The following UBN2 variants were observed in gnomAD, a reference collection of about 807,000 sequenced individuals.
UBN2 encodes ubinuclein 2.
A neutral mutation model predicts 120.2 loss-of-function variants in UBN2; 35 were observed. That is an observed-to-expected ratio of 0.29 (90% CI 0.22 to 0.39). The LOEUF (loss-of-function observed/expected upper bound fraction) is 0.39. Ranked by LOEUF, UBN2 falls within the 10% of genes least tolerant of loss-of-function variation. The probability of loss-of-function intolerance (pLI) is 1.00; values close to 1 mark genes in which losing one functional copy is unlikely to be tolerated. For missense variants in UBN2, 1,693 were observed against 1,663.2 expected, an observed-to-expected ratio of 1.02 and a Z score of -0.31; for synonymous variants, 661 against 648.7, an observed-to-expected ratio of 1.02 and a Z score of -0.29.
downstream of UBN2, among the ~76,000 whole-genome samples, chr7:139,311,698 A>G (rs1051898491): frequency 5.9e-5 from 9 of 152,172 alleles, no homozygotes; most frequent in Admixed American, 2.6e-4. Flanking sequence ...TAATTTCCCA[A>G]AAGTATAGAA....
At chr7:139,267,360 T>G (rs1305834145) in intron 7 of UBN2, among the ~76,000 whole-genome samples, 1 of 152,024 alleles carries the variant, frequency 6.6e-6, no homozygotes, top group African/African-American at 2.4e-5. Context: ...ATAGTGAAAC[T>G]CCATTTCTAT....
At chr7:139,232,354 C>T (rs1293687439) in intron 1 of UBN2, among the ~76,000 whole-genome samples, 1 of 152,232 alleles carries the variant, frequency 6.6e-6, no homozygotes, top group Admixed American at 6.5e-5. Context: ...AAGAGAAAAC[C>T]TTGGGGGACA....
intron 13 of UBN2, 123 bp from the exon 14 acceptor site, chr7:139,281,882 A>G: frequency 1.2e-6 from 1 of 814,140 alleles, no homozygotes; most frequent in South Asian, 1.7e-5. Context: ...ATGCAGTTAC[A>G]CTTGTACTTC....
chr7:139,266,060 CT>C (rs374455779), intron 6 of UBN2, among the ~76,000 whole-genome samples: 147 of 141,100 alleles, frequency 1.0e-3, no homozygotes, highest in Middle Eastern at 3.8e-3. Context: ...TTAGGAGATT[CT>C]TTTTTTTTTT....
rs1798185787 is a variant in UBN2 at position 139,298,908 on chromosome 7, T to TA, written c.*1073dup. 6.6e-6 allele frequency: 1 copy of TA among 152,150 alleles called. No homozygotes were observed. The highest frequency in any genetic ancestry group is 1.5e-5 in the Non-Finnish European group (1 of 68,012). 9.4% of individuals were successfully genotyped at this position (152,150 alleles called of 1,614,324 possible). A position where few individuals can be genotyped will look rare whatever the true frequency, so the allele number is the denominator to read the frequency against. Reference sequence around the variant, plus strand: ...TCATTGGTCATTCAAATGGCATGAATATAGTTTTTGAATTTTTAAGATGGT... The same window carrying TA: ...TCATTGGTCATTCAAATGGCATGAATAATAGTTTTTGAATTTTTAAGATGGT... On this transcript the variant is annotated 3_prime_UTR_variant, in exon 18 of 18. Coordinates refer to ENST00000473989, the MANE Select transcript of UBN2 (RefSeq NM_173569.4).
At chr7:139,326,025 T>C in the UBN2 span, among the ~76,000 whole-genome samples, 4 of 149,436 alleles carry the variant, frequency 2.7e-5, no homozygotes, top group Non-Finnish European at 2.9e-5. Context: ...ACCCCATCTC[T>C]ACTAAAAGTA....
chr7:139,269,843 G>A (rs897043033), intron 8 of UBN2, among the ~76,000 whole-genome samples: 9 of 150,962 alleles, frequency 6.0e-5, no homozygotes, highest in African/African-American at 1.7e-4. Context: ...GTCTTGCCCC[G>A]TTGCCCAGGC....
intron 3 of UBN2, among the ~76,000 whole-genome samples, chr7:139,254,328 T>TAA (rs1428746969): frequency 6.6e-6 from 1 of 152,116 alleles, no homozygotes; most frequent in African/African-American, 2.4e-5. Context: ...TGTCCCGACA[T>TAA]AAACTTATTT....
chr7:139,240,333 C>T (rs1352451448), intron 2 of UBN2, among the ~76,000 whole-genome samples: 1 of 150,160 alleles, frequency 6.7e-6, no homozygotes, highest in African/African-American at 2.4e-5. Context: ...TGTTGTGTTG[C>T]CTAGGCTGGT....
the UBN2 span, among the ~76,000 whole-genome samples, chr7:139,327,194 C>G: frequency 6.6e-6 from 1 of 152,160 alleles, no homozygotes; most frequent in East Asian, 1.9e-4. Flanking sequence ...CCACCACACC[C>G]AGCTAATTTT....
intron 2 of UBN2, among the ~76,000 whole-genome samples, chr7:139,246,613 G>A (rs772305749): frequency 5.3e-5 from 8 of 152,128 alleles, no homozygotes; most frequent in Non-Finnish European, 1.2e-4. Context: ...CAGTTTGATG[G>A]ATTTTAACAG....
chr7:139,302,698 A>C lies in UBN2; in HGVS notation c.*4862A>C, dbSNP rs989635676. The stretch of plus-strand genomic sequence containing the variant: ...AGACTCCGTCTCAAAAAAAGAAAAT[A>C]AAAGTATAGAAAAGTATCTTTTCAC... On this transcript the variant is annotated 3_prime_UTR_variant, in exon 18 of 18. Coordinates refer to ENST00000473989, the MANE Select transcript of UBN2 (RefSeq NM_173569.4). 1 of 152,162 alleles carries C rather than the reference A, an allele frequency of 6.6e-6. No homozygotes were observed. The highest frequency in any genetic ancestry group is 1.5e-5 in the Non-Finnish European group (1 of 68,042). The allele number at this position is 152,162 out of a possible 1,614,324, so 9.4% of individuals were successfully genotyped here.
In UBN2 at chr7:139,284,105, C is replaced by T; in HGVS notation, c.3200C>T (p.Ala1067Val). 6.2e-7 allele frequency: 1 copy of T among 1,614,176 alleles called. No individual in the cohort carries two copies. Residue 1067 changes from alanine to valine, a missense_variant, in exon 15 of 18, where the codon GCT becomes GTT. Physicochemically the swap from Ala to Val is moderately conservative, Grantham distance 64. Around this residue, in one of 5 missense-constraint regions of UBN2, gnomAD observed 837 missense variants for 817.6 expected, o/e 1.02. Coordinates refer to ENST00000473989, the MANE Select transcript of UBN2 (RefSeq NM_173569.4). ...GCCTCACCCAAGCCCTCTCTGTCAG[C>T]TAAGCCTTCAGTATCAACTAAACTT... ...PSASPKPSLS[A>V]KPSVSTKLIS...
At chr7:139,232,656 T>C (rs1237440046) in intron 1 of UBN2, among the ~76,000 whole-genome samples, 1 of 152,216 alleles carries the variant, frequency 6.6e-6, no homozygotes, top group Non-Finnish European at 1.5e-5. Context: ...TGTAATTGAA[T>C]GGGAAGGTGT....
In UBN2 at chr7:139,308,130, A is replaced by T. The variant is rs529034809; in HGVS notation, c.*10294A>T. On this transcript the variant is annotated 3_prime_UTR_variant, in exon 18 of 18. Transcript: ENST00000473989. ...AAGAGCCTTATTTGATTCAGTGTAG[A>T]TGTTTCCTGTCTATCCTTTGTGACA... The T allele has an allele frequency of 2.0e-5, 3 of 151,638 alleles. No individual in the cohort carries two copies. Among genetic ancestry groups the T allele is most frequent in the East Asian group, 1.9e-4 (1 of 5,148 alleles). The allele number at this position is 151,638 out of a possible 1,614,324, so 9.4% of individuals were successfully genotyped here.
chr7:139,245,469 A>G (rs1375636646), intron 2 of UBN2, among the ~76,000 whole-genome samples: 2 of 152,138 alleles, frequency 1.3e-5, no homozygotes, highest in Non-Finnish European at 2.9e-5. Context: ...TCATTTTACT[A>G]CTTAGATTAG....
At chr7:139,310,987 A>G (rs1480117721), downstream of UBN2, among the ~76,000 whole-genome samples, 1 of 152,226 alleles carries the variant, frequency 6.6e-6, no homozygotes, top group Non-Finnish European at 1.5e-5. Context: ...CCATCTGTAT[A>G]TATTGCAAAC....
intron 2 of UBN2, among the ~76,000 whole-genome samples, chr7:139,238,149 C>G (rs924224782): frequency 3.9e-5 from 6 of 152,146 alleles, no homozygotes; most frequent in Non-Finnish European, 5.9e-5. Flanking sequence ...AGAAGCAACA[C>G]CTTACCCCTC....
chr7:139,251,879 T>C (rs2130960064), intron 2 of UBN2, 77 bp from the exon 3 acceptor site: 2 of 1,394,972 alleles, frequency 1.4e-6, no homozygotes, highest in Middle Eastern at 1.8e-4. Context: ...ATTATTTGAA[T>C]TCTTCTAACA....
Sources: gnomAD v4.1 joint callset for allele counts (sites outside exome capture counted in the v4.1 genomes callset) on GRCh38, gnomAD v4.1.1 for gene constraint, gnomAD v4.1.1 regional missense constraint, MANE v1.5 for transcripts, NCBI Gene and HGNC (gene_info 2026-07-23, HGNC 2026-07-21) for gene names.